Variants in ABRAXAS1 observed in about 807,000 individuals in gnomAD.
The protein encoded by ABRAXAS1 is BRCA1-A complex subunit Abraxas 1.
A neutral mutation model predicts 38.4 loss-of-function variants in ABRAXAS1; 26 were observed. That is an observed-to-expected ratio of 0.68 (90% confidence interval 0.50 to 0.94). The LOEUF (loss-of-function observed/expected upper bound fraction) is 0.94, where lower values mean the gene tolerates loss of function less well. ABRAXAS1 is among the 40% of genes least tolerant of loss of function. The pLI is 0.00. For synonymous variants in ABRAXAS1, 144 were observed against 165.5 expected, an observed-to-expected ratio of 0.87 and a Z score of 1.00; for missense variants, 438 against 481.9, an observed-to-expected ratio of 0.91 and a Z score of 0.85.
chr4:83,469,577 C>T (rs1311590108), intron 5 of ABRAXAS1: 3 of 183,092 alleles, frequency 1.6e-5, no homozygotes, highest in East Asian at 1.3e-4. Context: ...AGGTATGAGT[C>T]ACCACACTGG....
intron 7 of ABRAXAS1, among the ~76,000 whole-genome samples, chr4:83,466,193 AT>A (rs1226216942): frequency 6.6e-6 from 1 of 152,044 alleles, no homozygotes; most frequent in African/African-American, 2.4e-5. Flanking sequence ...TTGTCTTCTT[AT>A]CCCCCTCTCC....
chr4:83,466,928 T>C (rs1475631017), intron 7 of ABRAXAS1: 1 of 152,820 alleles, frequency 6.5e-6, no homozygotes, highest in Middle Eastern at 3.1e-3. Flanking sequence ...GAAGATGACA[T>C]TCAGAAAAGG....
At chr4:83,484,295 C>G (rs1394586545) in intron 1 of ABRAXAS1, 1 of 752,930 alleles carries the variant, frequency 1.3e-6, no homozygotes, top group Non-Finnish European at 1.6e-6. Context: ...ATTTCAGATG[C>G]TTAGACTTTC....
At chr4:83,482,900 A>T (rs1450420304) in intron 1 of ABRAXAS1, among the ~76,000 whole-genome samples, 1 of 152,190 alleles carries the variant, frequency 6.6e-6, no homozygotes, top group Non-Finnish European at 1.5e-5. Flanking sequence ...TTAAAGCCAG[A>T]AATGAGCACA....
At chr4:83,482,358 G>T (rs1172572962) in intron 1 of ABRAXAS1, 114 bp from the exon 2 acceptor site, 11 of 555,880 alleles carry the variant, frequency 2.0e-5, no homozygotes, top group Non-Finnish European at 3.1e-5. Flanking sequence ...CCAGTCGGGG[G>T]CACATATGAA....
rs113348874 is a variant in ABRAXAS1, at chr4:83,481,984, G to C, written c.178+170C>G. On this transcript the variant is annotated intron_variant, in intron 2 of 8. Transcript: ENST00000321945. ...GGCTGGTCTCAAACTCCCAACCTCA[G>C]GTAATCCGCCTCGGCCTCCCAAAGT... is the stretch of plus-strand genomic sequence containing the variant. Among the ~76,000 whole-genome samples, 998 of 152,154 alleles carry C rather than the reference G, an allele frequency of 6.6e-3. 14 individuals carry two copies. Among genetic ancestry groups the C allele is most frequent in the African/African-American group, 0.023 (934 of 41,488 alleles).
At position 83,463,570 on chromosome 4, in the gene ABRAXAS1, T is replaced by C; in HGVS notation, c.720A>G (p.Val240=). 1 of 1,611,316 alleles carries C rather than the reference T, an allele frequency of 6.2e-7. No individual in the cohort carries two copies. Among genetic ancestry groups the C allele is most frequent in the South Asian group, 1.1e-5 (1 of 90,636 alleles). Reference sequence around the variant, plus strand: ...TGTTTACATCCTTTACTAGTTTATCTACTGCTTGTTCACTGTCTTCCACTT... The same window carrying C: ...TGTTTACATCCTTTACTAGTTTATCCACTGCTTGTTCACTGTCTTCCACTT... The part of the protein sequence containing the change: ...CKKVEDSEQA[V]DKLVKDVNRL... The change falls in exon 8 of 9, where the codon GTA becomes GTG. Residue 240 remains valine (V), a synonymous_variant. Transcript: ENST00000321945.
intron 7 of ABRAXAS1, among the ~76,000 whole-genome samples, chr4:83,464,372 G>C (rs1014353096): frequency 6.6e-6 from 1 of 152,034 alleles, no homozygotes; most frequent in Non-Finnish European, 1.5e-5. Flanking sequence ...ACTTCTGTGT[G>C]TCTTTAGTTT....
In ABRAXAS1 at chr4:83,463,536, G is replaced by T; in HGVS notation, c.754C>A (p.Arg252=). ...GCTCCTCTCCTTTTCTCAATTTCTC[G>T]TTTTAATCTGTTTACATCCTTTACT... ...KLVKDVNRLK[R]EIEKRRGAQI... Residue 252 remains arginine (R), a synonymous_variant, in exon 8 of 9, where the codon CGA becomes AGA. Coordinates refer to ENST00000321945, the MANE Select transcript of ABRAXAS1 (RefSeq NM_139076.3). 2 of 1,611,222 alleles carry T rather than the reference G, an allele frequency of 1.2e-6. No individual in the cohort carries two copies. The highest frequency in any genetic ancestry group is 2.2e-5 in the East Asian group (1 of 44,738).
chr4:83,476,835 T>C (rs1722790751), intron 2 of ABRAXAS1, among the ~76,000 whole-genome samples, 156 bp from the exon 3 acceptor site: 1 of 152,228 alleles, frequency 6.6e-6, no homozygotes. Context: ...ACTATCATTA[T>C]TCCCCTTTCA....
chr4:83,469,616 G>A, intron 5 of ABRAXAS1: 1 of 171,996 alleles, frequency 5.8e-6, no homozygotes, highest in Non-Finnish European at 1.3e-5. Flanking sequence ...GCTGTGAAAT[G>A]TGCTTAGTAT....
rs869128932 is a variant in ABRAXAS1, at chr4:83,471,191, CTTTTTTTTTTT to C, written c.283-806_283-796del. On this transcript the variant is annotated intron_variant, in intron 4 of 8. Coordinates refer to ENST00000321945, the MANE Select transcript of ABRAXAS1 (RefSeq NM_139076.3). The stretch of plus-strand genomic sequence containing the variant: ...CAAACATATTTGTTGAAAGAAACAT[CTTTTTTTTTTT>C]TTTTTTTTTTTTTTTTTTTTTGAGA... 1.3e-3 allele frequency among the ~76,000 whole-genome samples: 75 copies of C among 58,194 alleles called. 1 individual carries two copies. Among genetic ancestry groups the C allele is most frequent in the Middle Eastern group, 0.011 (1 of 92 alleles). 38.2% of individuals were successfully genotyped at this position (58,194 alleles called of 152,430 possible).
At chr4:83,481,754 A>C (rs1723006287) in intron 2 of ABRAXAS1, among the ~76,000 whole-genome samples, 1 of 151,704 alleles carries the variant, frequency 6.6e-6, no homozygotes, top group South Asian at 2.1e-4. Flanking sequence ...TATATTTCTT[A>C]TTTTTCTTTT....
intron 4 of ABRAXAS1, 62 bp downstream of exon 4, chr4:83,472,160 T>C: frequency 9.1e-7 from 1 of 1,095,520 alleles, no homozygotes; most frequent in Non-Finnish European, 1.3e-6. Flanking sequence ...GTACTGTGTG[T>C]TTTTAAGAAC....
At chr4:83,470,558 T>C (rs561419479) in intron 4 of ABRAXAS1, among the ~76,000 whole-genome samples, 162 bp from the exon 5 acceptor site, 1 of 152,332 alleles carries the variant, frequency 6.6e-6, no homozygotes, top group African/African-American at 2.4e-5. Flanking sequence ...TGCTTTACTT[T>C]TGTAAAACAT....
At chr4:83,476,505 T>G (rs1722774717) in intron 3 of ABRAXAS1, 138 bp downstream of exon 3, 1 of 511,280 alleles carries the variant, frequency 2.0e-6, no homozygotes, top group Non-Finnish European at 3.4e-6. Flanking sequence ...TTTCAGCTAT[T>G]TAAAAAAAAC....
rs1721998752 is a variant in ABRAXAS1 at position 83,459,552 on chromosome 4, T to G, written c.*2917A>C. The G allele has an allele frequency of 1.5e-5, 8 of 551,128 alleles. No individual in the cohort carries two copies. The highest frequency in any genetic ancestry group is 2.6e-5 in the Non-Finnish European group (8 of 309,604). The allele number at this position is 551,128 out of a possible 1,614,324, so 34.1% of individuals were successfully genotyped here. A position where few individuals can be genotyped will look rare whatever the true frequency, so the allele number is the denominator to read the frequency against. Reference sequence around the variant, plus strand: ...TCTGCTGTTTAATTATATATAGACTTGACACACTGGATAGAAAATATTTAA... The same window carrying G: ...TCTGCTGTTTAATTATATATAGACTGGACACACTGGATAGAAAATATTTAA... On this transcript the variant is annotated 3_prime_UTR_variant, in exon 9 of 9. Transcript: ENST00000321945.
At chr4:83,481,834 C>G (rs995011103) in intron 2 of ABRAXAS1, among the ~76,000 whole-genome samples, 2 of 152,164 alleles carry the variant, frequency 1.3e-5, no homozygotes, top group African/African-American at 4.8e-5. Context: ...ACTGCAACTT[C>G]TGCCTCTCAG....
chr4:83,468,881 TAA>T, intron 6 of ABRAXAS1, 149 bp downstream of exon 6: 1 of 827,862 alleles, frequency 1.2e-6, no homozygotes, highest in Non-Finnish European at 1.9e-6. Context: ...ACACAAGCAG[TAA>T]CAGGAGTATG....
Sources: gnomAD v4.1 joint callset for allele counts (sites outside exome capture counted in the v4.1 genomes callset) on GRCh38, gnomAD v4.1.1 for gene constraint, MANE v1.5 for transcripts, NCBI Gene and HGNC (gene_info 2026-07-23, HGNC 2026-07-21) for gene names.